The following TRIM5 variants were observed in gnomAD, a reference collection of about 807,000 sequenced individuals.
TRIM5 encodes tripartite motif containing 5.
A neutral mutation model predicts 35.6 loss-of-function variants in TRIM5; 31 were observed. The ratio of observed to expected loss-of-function variants is 0.87; its 90% CI spans 0.65 to 1.18. The LOEUF (loss-of-function observed/expected upper bound fraction) is 1.18, where lower values mean the gene tolerates loss of function less well. Ranked by LOEUF, TRIM5 falls within the 50% of genes most tolerant of loss-of-function variation. TRIM5 has a pLI of 0.00. For synonymous variants in TRIM5, 243 were observed against 215.6 expected (o/e 1.13, Z -1.11); for missense variants, 609 against 591.6 (o/e 1.03, Z -0.31).
At chr11:5,600,401 T>G in the TRIM5 span, among the ~76,000 whole-genome samples, 1 of 152,082 alleles carries the variant, frequency 6.6e-6, no homozygotes. Flanking sequence ...CTGCTAAGCA[T>G]GGCAAAGCTG....
chr11:5,652,390 C>T, the TRIM5 span, among the ~76,000 whole-genome samples: 12 of 152,200 alleles, frequency 7.9e-5, no homozygotes, highest in Non-Finnish European at 1.0e-4. Flanking sequence ...ATATGGCAAG[C>T]GAGGTATCTC....
chr11:5,681,779 C>A (rs145433549), intron 1 of TRIM5, among the ~76,000 whole-genome samples: 1 of 152,308 alleles, frequency 6.6e-6, no homozygotes, highest in African/African-American at 2.4e-5. Flanking sequence ...TATAAGGGCA[C>A]TGGCTCTATC....
chr11:5,667,839 A>G, intron 4 of TRIM5, 128 bp from the exon 5 acceptor site: 1 of 956,526 alleles, frequency 1.0e-6, no homozygotes, highest in South Asian at 1.7e-5. Context: ...AAGACAAAAA[A>G]GCAAAGATAA....
At chr11:5,597,778 G>A in the TRIM5 span, among the ~76,000 whole-genome samples, 75,435 of 151,928 alleles carry the variant, frequency 0.5, 19,147 homozygotes, top group Middle Eastern at 0.71. Context: ...AAGATGCTTC[G>A]TATCTAAATA....
the TRIM5 span, chr11:5,643,125 A>ATATATATTT: frequency 5.5e-3 from 5,374 of 972,798 alleles, 18 homozygotes; most frequent in Non-Finnish European, 6.3e-3. Context: ...ATATATATAT[A>ATATATATTT]TTTTTTTTTT....
intron 4 of TRIM5, among the ~76,000 whole-genome samples, chr11:5,673,767 T>TA (rs1432896271): frequency 3.3e-5 from 5 of 152,064 alleles, no homozygotes; most frequent in Admixed American, 1.3e-4. Context: ...GAAGAAACAT[T>TA]AAAAAAATTC....
chr11:5,665,176 A>G lies in TRIM5; in HGVS notation c.1115T>C (p.Ile372Thr). ...TTGGAAGCCAGCACATACCCCCAGG[A>G]TCCAAGCAGTTTTCTTGGACACGTC... is the stretch of plus-strand genomic sequence containing the variant. The part of the protein sequence containing the change: ...EVDVSKKTAW[I>T]LGVCAGFQPD... The change falls in exon 8 of 8, where the codon ATC (isoleucine) becomes ACC (threonine). Residue 372 changes from isoleucine to threonine, a missense_variant. Physicochemically the swap from Ile to Thr is moderately conservative, Grantham distance 89. Transcript: ENST00000380034. 1 of 1,614,122 alleles carries G rather than the reference A, an allele frequency of 6.2e-7. No individual in the cohort carries two copies. Among genetic ancestry groups the G allele is most frequent in the Non-Finnish European group, 8.5e-7 (1 of 1,180,004 alleles).
In TRIM5 at chr11:5,664,750, G is replaced by A. The variant is rs574997915; in HGVS notation, c.*59C>T. 7.2e-6 allele frequency: 11 copies of A among 1,520,314 alleles called. No individual in the cohort carries two copies. The South Asian group carries it at 1.1e-4, about 15-fold the overall frequency. 94.2% of individuals were successfully genotyped at this position (1,520,314 alleles called of 1,614,324 possible). On this transcript the variant is annotated 3_prime_UTR_variant, in exon 8 of 8. Coordinates refer to ENST00000380034, the MANE Select transcript of TRIM5 (RefSeq NM_033034.3). ...TAAAATGATGCAAATGAGTTCAGGT[G>A]TATGAGATGCACCTGGACAAGAGGT...
the TRIM5 span, among the ~76,000 whole-genome samples, chr11:5,613,905 ACTT>A: frequency 0.81 from 122,495 of 151,844 alleles, 49,533 homozygotes; most frequent in East Asian, 0.93. Flanking sequence ...TGTGATATTT[ACTT>A]CTTTATAAGT....
At chr11:5,658,700 A>C (rs930580131), downstream of TRIM5, among the ~76,000 whole-genome samples, 4 of 152,218 alleles carry the variant, frequency 2.6e-5, no homozygotes, top group Non-Finnish European at 5.9e-5. Flanking sequence ...GTTTTGTTAG[A>C]AAGAGTACAG....
chr11:5,593,038 C>A, the TRIM5 span, among the ~76,000 whole-genome samples: 4 of 151,900 alleles, frequency 2.6e-5, no homozygotes, highest in African/African-American at 9.7e-5. Flanking sequence ...TTAATTAGGT[C>A]CATGTTTGAT....
At chr11:5,621,054 C>T in the TRIM5 span, among the ~76,000 whole-genome samples, 2 of 152,208 alleles carry the variant, frequency 1.3e-5, no homozygotes, top group Non-Finnish European at 2.9e-5. Flanking sequence ...GGCAGTTTCT[C>T]TATGTGTAGA....
At chr11:5,629,659 T>C in the TRIM5 span, among the ~76,000 whole-genome samples, 11 of 152,194 alleles carry the variant, frequency 7.2e-5, no homozygotes, top group Non-Finnish European at 5.9e-5. Flanking sequence ...ACAGGAGATA[T>C]AGCATGCAGA....
the TRIM5 span, chr11:5,596,859 T>C: frequency 1.9e-6 from 3 of 1,613,830 alleles, no homozygotes; most frequent in South Asian, 1.1e-5. Context: ...CCACCTGATA[T>C]TGCTTACATC....
the TRIM5 span, chr11:5,643,755 C>G: frequency 2.2e-5 from 33 of 1,528,140 alleles, no homozygotes; most frequent in African/African-American, 2.8e-5. Context: ...GACTTATCTC[C>G]TGCAACTGAC....
intron 4 of TRIM5, among the ~76,000 whole-genome samples, chr11:5,676,160 A>T (rs1228658275): frequency 3.3e-5 from 5 of 151,410 alleles, no homozygotes; most frequent in Non-Finnish European, 5.9e-5. Context: ...CACAATAAAC[A>T]TACGTGTGCA....
At chr11:5,659,768 G>C (rs1343017674), downstream of TRIM5, among the ~76,000 whole-genome samples, 1 of 149,858 alleles carries the variant, frequency 6.7e-6, no homozygotes, top group Non-Finnish European at 1.5e-5. Context: ...TTTTTTTTCA[G>C]GTAGTTAATT....
intron 4 of TRIM5, among the ~76,000 whole-genome samples, chr11:5,672,552 T>A (rs1262827396): frequency 6.6e-6 from 1 of 152,190 alleles, no homozygotes; most frequent in Non-Finnish European, 1.5e-5. Flanking sequence ...TTTTTAAAAT[T>A]TCTTCAGTTG....
At chr11:5,670,389 G>A (rs577350265) in intron 4 of TRIM5, among the ~76,000 whole-genome samples, 1 of 151,384 alleles carries the variant, frequency 6.6e-6, no homozygotes, top group South Asian at 2.1e-4. Flanking sequence ...TTTTCACCGT[G>A]TAAGCCAGGA....
Sources: allele counts gnomAD v4.1 joint callset (sites outside exome capture counted in the v4.1 genomes callset), GRCh38; gene constraint gnomAD v4.1.1; transcripts MANE v1.5; gene names NCBI Gene and HGNC (gene_info 2026-07-23, HGNC 2026-07-21).